Variants in ELMO1 observed in about 807,000 individuals in gnomAD.
ELMO1 encodes the protein engulfment and cell motility 1.
Under a neutral mutation model 98.9 loss-of-function variants are expected in ELMO1, and 26 were observed. The ratio of observed to expected loss-of-function variants is 0.26; its 90% confidence interval spans 0.19 to 0.36. The LOEUF (loss-of-function observed/expected upper bound fraction) is 0.36, where lower values mean the gene tolerates loss of function less well. Among genes scored for constraint, ELMO1 ranks in the 10% least tolerant of loss-of-function variants. The pLI is 1.00. For missense variants in ELMO1, 627 were observed against 935.2 expected (o/e 0.67, Z 4.30); for synonymous variants, 346 against 346.0 (o/e 1.00, Z 0.00).
intron 1 of ELMO1, among the ~76,000 whole-genome samples, chr7:37,380,409 T>C (rs1157377219): frequency 6.6e-6 from 1 of 152,220 alleles, no homozygotes; most frequent in Non-Finnish European, 1.5e-5. Context: ...GACAATTATT[T>C]GCTGAATGCT....
At chr7:37,055,513 G>A (rs1403913411) in intron 15 of ELMO1, among the ~76,000 whole-genome samples, 8 of 152,134 alleles carry the variant, frequency 5.3e-5, no homozygotes. Context: ...ACATTCACCT[G>A]CCCAAATATC....
chr7:37,028,096 T>C (rs1326657973), intron 15 of ELMO1, among the ~76,000 whole-genome samples: 2 of 152,194 alleles, frequency 1.3e-5, no homozygotes, highest in East Asian at 3.9e-4. Context: ...ACAAAGTTAG[T>C]GCAGCTATTA....
intron 1 of ELMO1, among the ~76,000 whole-genome samples, chr7:37,426,504 T>C (rs1804714618): frequency 6.6e-6 from 1 of 152,122 alleles, no homozygotes; most frequent in Non-Finnish European, 1.5e-5. Flanking sequence ...AAAAAAGGCC[T>C]GAAGTGAGAA....
intron 16 of ELMO1, among the ~76,000 whole-genome samples, chr7:36,965,091 T>C (rs776397873): frequency 6.6e-6 from 1 of 152,150 alleles, no homozygotes; most frequent in Non-Finnish European, 1.5e-5. Context: ...TCCCAAGCAC[T>C]TGATGTGGCC....
intron 16 of ELMO1, among the ~76,000 whole-genome samples, chr7:36,910,318 G>A (rs1389545112): frequency 6.6e-6 from 1 of 152,184 alleles, no homozygotes; most frequent in East Asian, 1.9e-4. Context: ...TGCAGGCACT[G>A]GTGCCAAATG....
intron 13 of ELMO1, among the ~76,000 whole-genome samples, chr7:37,175,334 T>C (rs1373595467): frequency 6.6e-6 from 1 of 152,234 alleles, no homozygotes; most frequent in Non-Finnish European, 1.5e-5. Context: ...TCTACATTTG[T>C]CTGCAAATTT....
chr7:37,391,675 G>A (rs1803083929), intron 1 of ELMO1, among the ~76,000 whole-genome samples: 1 of 152,160 alleles, frequency 6.6e-6, no homozygotes, highest in South Asian at 2.1e-4. Context: ...GACCCCAGTT[G>A]GGGGCCGACT....
chr7:37,006,241 A>G (rs1793116066), intron 16 of ELMO1, among the ~76,000 whole-genome samples: 1 of 152,250 alleles, frequency 6.6e-6, no homozygotes, highest in Non-Finnish European at 1.5e-5. Flanking sequence ...TGGGGAAATC[A>G]AGGCAGCTCA....
intron 14 of ELMO1, among the ~76,000 whole-genome samples, chr7:37,118,223 C>T (rs1358427541): frequency 1.3e-5 from 2 of 152,178 alleles, no homozygotes; most frequent in African/African-American, 4.8e-5. Flanking sequence ...TGCACAGAGG[C>T]TACTTGGTTC....
intron 21 of ELMO1, 30 bp downstream of exon 21, chr7:36,861,629 C>A: frequency 1.3e-6 from 2 of 1,597,268 alleles, no homozygotes; most frequent in Non-Finnish European, 1.7e-6. Flanking sequence ...ATAACATTAT[C>A]TCATAAATTA....
intron 16 of ELMO1, among the ~76,000 whole-genome samples, chr7:36,908,878 C>G (rs149597577): frequency 6.6e-6 from 1 of 152,308 alleles, no homozygotes; most frequent in East Asian, 1.9e-4. Context: ...ATTAGCATTT[C>G]CTGGGTGTTT....
At chr7:37,448,050 A>G (rs1411142679) in intron 1 of ELMO1, among the ~76,000 whole-genome samples, 3 of 151,190 alleles carry the variant, frequency 2.0e-5, no homozygotes, top group Non-Finnish European at 4.4e-5. Flanking sequence ...GTATTTACTA[A>G]CCAGAACCTC....
intron 17 of ELMO1, among the ~76,000 whole-genome samples, chr7:36,894,468 G>C (rs895922242): frequency 5.9e-5 from 9 of 152,098 alleles, no homozygotes; most frequent in Non-Finnish European, 1.3e-4. Flanking sequence ...TTAATGAATG[G>C]GCCTCACTCT....
At chr7:37,314,468 G>A (rs571375495) in intron 4 of ELMO1, among the ~76,000 whole-genome samples, 26 of 152,186 alleles carry the variant, frequency 1.7e-4, no homozygotes, top group African/African-American at 6.0e-4. Context: ...ATTTGAAAAG[G>A]TTTCTTGTCA....
At chr7:37,436,374 T>G (rs1026671602) in intron 1 of ELMO1, among the ~76,000 whole-genome samples, 4 of 152,232 alleles carry the variant, frequency 2.6e-5, no homozygotes, top group Non-Finnish European at 5.9e-5. Flanking sequence ...CACTGAAGAC[T>G]GTATATTTGT....
chr7:36,866,423 C>T (rs746595394), intron 20 of ELMO1, among the ~76,000 whole-genome samples: 24 of 152,164 alleles, frequency 1.6e-4, no homozygotes, highest in Admixed American at 7.2e-4. Context: ...CCCCAGCTAC[C>T]CCATTTAGTC....
chr7:37,188,409 TACACAC>T (rs566236838), intron 13 of ELMO1, among the ~76,000 whole-genome samples: 8,313 of 115,722 alleles, frequency 0.072, 559 homozygotes, highest in East Asian at 0.24. Context: ...TGCTTCTTGT[TACACAC>T]ACACACACAC....
At chr7:37,289,473 C>T (rs992595379) in intron 4 of ELMO1, among the ~76,000 whole-genome samples, 3 of 152,204 alleles carry the variant, frequency 2.0e-5, no homozygotes, top group Admixed American at 6.5e-5. Flanking sequence ...TGTTCACTAA[C>T]GCCACAGCAC....
chr7:37,102,115 T>C (rs7781709), intron 14 of ELMO1, among the ~76,000 whole-genome samples: 131 of 152,210 alleles, frequency 8.6e-4, no homozygotes, highest in African/African-American at 3.1e-3. Context: ...CAGAATGAAG[T>C]GTTAGTCCTT....
Sources: gnomAD v4.1 joint callset for allele counts (sites outside exome capture counted in the v4.1 genomes callset) on GRCh38, gnomAD v4.1.1 for gene constraint, MANE v1.5 for transcripts, NCBI Gene and HGNC (gene_info 2026-07-23, HGNC 2026-07-21) for gene names.